Variants in RNLS observed in about 807,000 individuals in gnomAD.
RNLS encodes the protein renalase.
Under a neutral mutation model 39.8 loss-of-function variants are expected in RNLS, and 39 were observed. The observed-to-expected ratio is 0.98, with a 90% confidence interval of 0.76 to 1.28. RNLS has a LOEUF of 1.28. RNLS is among the 50% of genes most tolerant of loss of function. The pLI is 0.00. For synonymous variants in RNLS, 147 were observed against 150.7 expected (o/e 0.98, Z 0.18); for missense variants, 410 against 413.3 (o/e 0.99, Z 0.07).
intron 4 of RNLS, among the ~76,000 whole-genome samples, chr10:88,437,941 G>A (rs7073799): frequency 0.36 from 54,779 of 151,648 alleles, 11,486 homozygotes; most frequent in African/African-American, 0.59. Flanking sequence ...AGCCTGACCA[G>A]CATGGAGAAA....
chr10:88,196,671 G>A, the RNLS span, among the ~76,000 whole-genome samples: 6 of 152,204 alleles, frequency 3.9e-5, no homozygotes, highest in African/African-American at 9.6e-5. Flanking sequence ...ATGGGGCTAG[G>A]TGTAGCCAGA....
intron 4 of RNLS, among the ~76,000 whole-genome samples, chr10:88,563,432 A>C (rs758414284): frequency 6.6e-6 from 1 of 152,186 alleles, no homozygotes; most frequent in African/African-American, 2.4e-5. Flanking sequence ...GGTAAATCAA[A>C]AGACGAGAGC....
chr10:88,524,598 A>AT (rs1846968285), intron 4 of RNLS, among the ~76,000 whole-genome samples: 1 of 152,046 alleles, frequency 6.6e-6, no homozygotes, highest in Admixed American at 6.6e-5. Context: ...ATTAAACAAA[A>AT]TTTAACATTC....
chr10:88,500,038 C>G (rs968465352), intron 4 of RNLS, among the ~76,000 whole-genome samples: 3 of 152,124 alleles, frequency 2.0e-5, no homozygotes, highest in Non-Finnish European at 4.4e-5. Flanking sequence ...GTAGCCTTTA[C>G]AGTCAACCTG....
rs78343205 is a variant in RNLS, at chr10:88,499,068, A to G, written c.526+73835T>C. 3.7e-4 allele frequency among the ~76,000 whole-genome samples: 56 copies of G among 152,264 alleles called. 1 individual carries two copies. The East Asian group carries it at 6.8e-3, about 18-fold the overall frequency. On this transcript the variant is annotated intron_variant, in intron 4 of 6. Transcript: ENST00000331772. ...ATTATAATTTTTCTCAACTTTGACA[A>G]TGGTAGTGTGCTTATGCAGGGGAAT...
rs117532427 is a variant in RNLS, at chr10:88,530,845, C to T, written c.526+42058G>A. Among the ~76,000 whole-genome samples the T allele has an allele frequency of 6.3e-4, 96 of 152,186 alleles. 4 individuals carry two copies. The East Asian group carries it at 0.012, about 19-fold the overall frequency. On this transcript the variant is annotated intron_variant, in intron 4 of 6. Coordinates refer to ENST00000331772, the MANE Select transcript of RNLS (RefSeq NM_001031709.3). ...TAATGCCATGCTCAGCAAAAGCTTT[C>T]GCCTAATAAATACATGCCAAACGAA...
chr10:88,232,782 G>C, the RNLS span, among the ~76,000 whole-genome samples: 1 of 152,210 alleles, frequency 6.6e-6, no homozygotes, highest in Non-Finnish European at 1.5e-5. Flanking sequence ...ACAAGTGCTT[G>C]ACAGCCTTCT....
intron 4 of RNLS, among the ~76,000 whole-genome samples, chr10:88,526,088 C>T (rs1303144442): frequency 6.6e-6 from 1 of 151,990 alleles, no homozygotes; most frequent in African/African-American, 2.4e-5. Flanking sequence ...TTCATCTTCA[C>T]AATCTTACAG....
At chr10:88,238,580 A>G in the RNLS span, among the ~76,000 whole-genome samples, 2 of 152,230 alleles carry the variant, frequency 1.3e-5, no homozygotes, top group African/African-American at 4.8e-5. Context: ...CTCATGCACA[A>G]TAACCTGGTA....
chr10:88,351,832 A>C (rs1429431094), intron 5 of RNLS, among the ~76,000 whole-genome samples: 4 of 152,176 alleles, frequency 2.6e-5, no homozygotes, highest in Non-Finnish European at 4.4e-5. Context: ...CTTCCTATCC[A>C]TAAGCATGGA....
the RNLS span, among the ~76,000 whole-genome samples, chr10:88,190,905 G>C: frequency 2.0e-5 from 3 of 152,204 alleles, no homozygotes; most frequent in Admixed American, 2.0e-4. Context: ...TTCTCCAAGT[G>C]GTGAGGTCCA....
the RNLS span, among the ~76,000 whole-genome samples, chr10:88,253,155 G>T: frequency 2.6e-5 from 4 of 152,160 alleles, no homozygotes; most frequent in African/African-American, 7.2e-5. Context: ...TTTGTAGAGC[G>T]GGTTGTGGAT....
At chr10:88,523,773 G>A (rs1846903731) in intron 4 of RNLS, among the ~76,000 whole-genome samples, 1 of 152,088 alleles carries the variant, frequency 6.6e-6, no homozygotes, top group African/African-American at 2.4e-5. Context: ...CAAGGCAAGC[G>A]TGGTTTCAGA....
intron 4 of RNLS, among the ~76,000 whole-genome samples, chr10:88,419,908 G>A (rs1440395725): frequency 6.6e-6 from 1 of 152,040 alleles, no homozygotes; most frequent in Non-Finnish European, 1.5e-5. Flanking sequence ...TACTCTGGAG[G>A]CTGAGGCAGG....
chr10:88,311,889 C>T (rs1316991402), intron 6 of RNLS, among the ~76,000 whole-genome samples: 4 of 152,206 alleles, frequency 2.6e-5, no homozygotes, highest in Non-Finnish European at 5.9e-5. Context: ...GAAACTGTCC[C>T]CACACAAAAT....
intron 5 of RNLS, among the ~76,000 whole-genome samples, chr10:88,320,156 A>G (rs992027753): frequency 2.0e-5 from 3 of 152,040 alleles, no homozygotes; most frequent in African/African-American, 7.2e-5. Flanking sequence ...CTAAAGGAAA[A>G]AAAAAAAAAG....
intron 4 of RNLS, among the ~76,000 whole-genome samples, chr10:88,518,328 T>C (rs934876456): frequency 1.3e-5 from 2 of 151,878 alleles, no homozygotes; most frequent in Non-Finnish European, 2.9e-5. Context: ...GGATAAGGGA[T>C]TTTTATTCCC....
intron 4 of RNLS, among the ~76,000 whole-genome samples, chr10:88,549,830 A>AT (rs1276916326): frequency 1.3e-5 from 2 of 152,222 alleles, no homozygotes; most frequent in Admixed American, 6.5e-5. Flanking sequence ...TTTGTTATAT[A>AT]TTCACAAATT....
chr10:88,432,439 A>G (rs1381915305), intron 4 of RNLS, among the ~76,000 whole-genome samples: 1 of 151,878 alleles, frequency 6.6e-6, no homozygotes, highest in African/African-American at 2.4e-5. Context: ...TTATTGGAGC[A>G]TTTAGACCAC....
Sources: allele counts gnomAD v4.1 joint callset (sites outside exome capture counted in the v4.1 genomes callset), GRCh38; gene constraint gnomAD v4.1.1; transcripts MANE v1.5; gene names NCBI Gene and HGNC (gene_info 2026-07-23, HGNC 2026-07-21).